PRR5L: variants seen among roughly 807,000 people sequenced by gnomAD.
The protein encoded by PRR5L is proline rich 5 like.
PRR5L carries 21 observed loss-of-function variants against 36.4 expected under a neutral mutation model. That is an observed-to-expected ratio of 0.58 (90% CI 0.41 to 0.83). The LOEUF is 0.83. Among genes scored for constraint, PRR5L ranks in the 40% least tolerant of loss-of-function variants. The pLI is 0.00. For missense variants in PRR5L, 381 were observed against 473.3 expected (o/e 0.80, Z 1.81); for synonymous variants, 188 against 197.0 (o/e 0.95, Z 0.38).
At chr11:36,312,128 G>A (rs1307225861) in intron 1 of PRR5L, among the ~76,000 whole-genome samples, 1 of 152,152 alleles carries the variant, frequency 6.6e-6, no homozygotes, top group African/African-American at 2.4e-5. Context: ...AGCGTGGGTG[G>A]CAGAGAGAAT....
intron 4 of PRR5L, among the ~76,000 whole-genome samples, chr11:36,429,882 C>T (rs556548965): frequency 2.0e-5 from 3 of 152,292 alleles, no homozygotes; most frequent in Admixed American, 6.5e-5. Flanking sequence ...CACAAGATGT[C>T]GATTTGGTGC....
chr11:36,459,769 G>C (rs745487213), intron 8 of PRR5L, among the ~76,000 whole-genome samples: 1 of 152,152 alleles, frequency 6.6e-6, no homozygotes, highest in African/African-American at 2.4e-5. Context: ...TCTGAAAGTG[G>C]TGCTGTTAGC....
intron 1 of PRR5L, among the ~76,000 whole-genome samples, chr11:36,300,446 A>G (rs1009066315): frequency 1.3e-5 from 2 of 152,152 alleles, no homozygotes; most frequent in Admixed American, 1.3e-4. Context: ...CCCGTGACCC[A>G]AACATGTCCC....
rs112541262 is a variant in PRR5L, at chr11:36,401,916, G to A, written c.164+631G>A. Among the ~76,000 whole-genome samples the A allele has an allele frequency of 1.7e-3, 255 of 152,324 alleles. 1 individual carries two copies. The highest frequency in any genetic ancestry group is 5.8e-3 in the African/African-American group (241 of 41,568). ...CACACCTGAAACTGTCAGCCTATCC[G>A]AGAGTGGGCTTCTATAAGAAACCTT... is the stretch of plus-strand genomic sequence containing the variant. On this transcript the variant is annotated intron_variant, in intron 2 of 8. Transcript: ENST00000530639.
intron 5 of PRR5L, among the ~76,000 whole-genome samples, chr11:36,434,891 C>T (rs928247523): frequency 6.6e-6 from 1 of 152,076 alleles, no homozygotes; most frequent in Non-Finnish European, 1.5e-5. Flanking sequence ...CCTGGGTTCT[C>T]GGGAGGCGTC....
At position 36,451,284 on chromosome 11, in the gene PRR5L, T is replaced by C. The variant is rs1483282410; in HGVS notation, c.661T>C (p.Phe221Leu). ...GCTGGTGAAGCAAGTGGTTTCTCCT[T>C]TCCTCGGCATCAGCGGGGACCGTAG... ...EELVKQVVSP[F>L]LGISGDRSFS... The change falls in exon 8 of 9, where the codon TTC becomes CTC. Residue 221 changes from phenylalanine to leucine, a missense_variant. Coordinates refer to ENST00000530639, the MANE Select transcript of PRR5L (RefSeq NM_001160167.2). 1.2e-6 allele frequency: 2 copies of C among 1,614,194 alleles called. No homozygotes were observed.
intron 1 of PRR5L, among the ~76,000 whole-genome samples, chr11:36,332,240 A>G (rs766083264): frequency 6.6e-6 from 1 of 152,210 alleles, no homozygotes; most frequent in Non-Finnish European, 1.5e-5. Flanking sequence ...CAACACCATC[A>G]TTTGTACATC....
intron 1 of PRR5L, among the ~76,000 whole-genome samples, chr11:36,319,777 G>A (rs1856594952): frequency 6.6e-6 from 1 of 151,770 alleles, no homozygotes; most frequent in Non-Finnish European, 1.5e-5. Context: ...TTAGGTTGTG[G>A]ACAATGGAAA....
At position 36,462,688 on chromosome 11, in the gene PRR5L, CA is replaced by C. The variant is rs769883544; in HGVS notation, c.1060del (p.Arg354GlyfsTer9). On this transcript the variant is annotated frameshift_variant, in exon 9 of 9. Transcript: ENST00000530639. LOFTEE classifies it high-confidence loss of function. ...DNPDGLEEGA[R>X]GSQEGSELNC... ...ACCCTGACGGACTGGAGGAGGGGGC[CA>C]GGGGCAGCCAGGAGGGCTCGGAGCT... 7 of 1,601,194 alleles carry C rather than the reference CA, an allele frequency of 4.4e-6. No individual in the cohort carries two copies. The South Asian group carries it at 5.6e-5, about 13-fold the overall frequency.
At chr11:36,331,148 T>C (rs10466394) in intron 1 of PRR5L, among the ~76,000 whole-genome samples, 48,552 of 152,082 alleles carry the variant, frequency 0.32, 8,408 homozygotes, top group East Asian at 0.71. Context: ...TTCTGAAATA[T>C]TTATATTAAT....
chr11:36,346,835 T>C (rs1373577496), intron 1 of PRR5L, among the ~76,000 whole-genome samples: 1 of 152,190 alleles, frequency 6.6e-6, no homozygotes, highest in Non-Finnish European at 1.5e-5. Flanking sequence ...AAACAGCTTT[T>C]TGTAAAGAGC....
At chr11:36,345,972 A>G (rs1465281611) in intron 1 of PRR5L, among the ~76,000 whole-genome samples, 1 of 152,230 alleles carries the variant, frequency 6.6e-6, no homozygotes, top group Non-Finnish European at 1.5e-5. Flanking sequence ...TGACACAGTG[A>G]GAGCGTCACG....
At chr11:36,382,249 T>C (rs1330073070) in intron 1 of PRR5L, among the ~76,000 whole-genome samples, 2 of 152,176 alleles carry the variant, frequency 1.3e-5, no homozygotes, top group African/African-American at 4.8e-5. Context: ...CTAACGGGCA[T>C]CATGGAGATA....
intron 1 of PRR5L, among the ~76,000 whole-genome samples, chr11:36,319,572 G>A (rs1856592471): frequency 6.6e-6 from 1 of 152,172 alleles, no homozygotes; most frequent in African/African-American, 2.4e-5. Flanking sequence ...TAAACCAATG[G>A]GCTTAGCTGT....
chr11:36,452,638 C>A (rs770819576), intron 8 of PRR5L, among the ~76,000 whole-genome samples: 1 of 152,108 alleles, frequency 6.6e-6, no homozygotes, highest in South Asian at 2.1e-4. Flanking sequence ...CATGTTGCTG[C>A]GGTCTCCCTG....
At position 36,464,918 on chromosome 11, in the gene PRR5L, C is replaced by T. The variant is rs1206295690; in HGVS notation, c.*2182C>T. ...TGTTAGCCAGTTTACAACTTTTTAC[C>T]ATCGATGTACACATTTGATATTTGT... is the stretch of plus-strand genomic sequence containing the variant. On this transcript the variant is annotated 3_prime_UTR_variant, in exon 9 of 9. Coordinates refer to ENST00000530639, the MANE Select transcript of PRR5L (RefSeq NM_001160167.2). 2 of 152,114 alleles carry T rather than the reference C, an allele frequency of 1.3e-5. No homozygotes were observed. Among genetic ancestry groups the T allele is most frequent in the African/African-American group, 2.4e-5 (1 of 41,420 alleles). 9.4% of individuals were successfully genotyped at this position (152,114 alleles called of 1,614,324 possible).
At chr11:36,339,723 A>G (rs2133479304) in intron 1 of PRR5L, among the ~76,000 whole-genome samples, 1 of 152,282 alleles carries the variant, frequency 6.6e-6, no homozygotes, top group Non-Finnish European at 1.5e-5. Flanking sequence ...GCTCTTAGTC[A>G]CTATGGTAAG....
chr11:36,357,519 A>G (rs1228782263), intron 1 of PRR5L, among the ~76,000 whole-genome samples: 2 of 152,194 alleles, frequency 1.3e-5, no homozygotes, highest in Non-Finnish European at 2.9e-5. Context: ...TTAGGAGCCA[A>G]TGCAGCTAGT....
intron 1 of PRR5L, among the ~76,000 whole-genome samples, chr11:36,297,832 TC>T (rs901143455): frequency 2.6e-5 from 4 of 152,182 alleles, no homozygotes; most frequent in African/African-American, 9.7e-5. Context: ...GCTTCTCATT[TC>T]CCACGTTAAG....
Sources: allele counts gnomAD v4.1 joint callset (sites outside exome capture counted in the v4.1 genomes callset), GRCh38; gene constraint gnomAD v4.1.1; transcripts MANE v1.5; gene names NCBI Gene and HGNC (gene_info 2026-07-23, HGNC 2026-07-21).